The following DCHS2 variants were observed in gnomAD, a reference collection of about 807,000 sequenced individuals.
DCHS2 encodes dachsous cadherin-related 2.
In DCHS2, 142 loss-of-function variants were observed where a neutral mutation model predicts 182.4. The ratio of observed to expected loss-of-function variants is 0.78; its 90% CI spans 0.68 to 0.89. DCHS2 has a LOEUF of 0.89. Ranked by LOEUF, DCHS2 falls within the 40% of genes least tolerant of loss-of-function variation. The pLI is 0.00. For synonymous variants in DCHS2, 1,740 were observed against 1,663.3 expected, an observed-to-expected ratio of 1.05 and a Z score of -1.12; for missense variants, 4,319 against 4,198.6, an observed-to-expected ratio of 1.03 and a Z score of -0.79.
intron 1 of DCHS2, among the ~76,000 whole-genome samples, chr4:154,441,123 G>A (rs1733994313): frequency 6.6e-6 from 1 of 152,142 alleles, no homozygotes; most frequent in African/African-American, 2.4e-5. Flanking sequence ...TTAAAAGAAA[G>A]GATGCAAAGT....
chr4:154,319,181 A>G (rs1461613518), intron 9 of DCHS2, among the ~76,000 whole-genome samples: 27 of 152,178 alleles, frequency 1.8e-4, no homozygotes, highest in Admixed American at 1.8e-3. Flanking sequence ...TACACTATAC[A>G]AAAATAAAAC....
At chr4:154,325,107 T>C (rs918102353) in intron 7 of DCHS2, among the ~76,000 whole-genome samples, 8 of 152,150 alleles carry the variant, frequency 5.3e-5, no homozygotes, top group African/African-American at 9.7e-5. Context: ...ATTTTCAATA[T>C]TTTTTCAATT....
At chr4:154,293,477 C>T (rs1009596998) in intron 13 of DCHS2, among the ~76,000 whole-genome samples, 1 of 152,098 alleles carries the variant, frequency 6.6e-6, no homozygotes, top group Non-Finnish European at 1.5e-5. Context: ...CCACTGCGCC[C>T]GGCCGGTATT....
chr4:154,235,895 A>G lies in DCHS2; in HGVS notation c.8757T>C (p.Leu2919=). 14 of 1,614,084 alleles carry G rather than the reference A, an allele frequency of 8.7e-6. No homozygotes were observed. The highest frequency in any genetic ancestry group is 1.2e-5 in the Non-Finnish European group (14 of 1,179,952). Residue 2919 remains leucine (L), a synonymous_variant, in exon 20 of 20, where the codon CTT becomes CTC. Coordinates refer to ENST00000357232, the MANE Select transcript of DCHS2 (RefSeq NM_001358235.2). The part of the protein sequence containing the change: ...AGIDGVILYS[L]GTSSPFFSVN... ...CTGAAAAGAAAGGAGATGAGGTTCCAAGGGAGTAAAGAATGACTCCATCAA... is the reference window on the plus strand; with the variant it reads ...CTGAAAAGAAAGGAGATGAGGTTCCGAGGGAGTAAAGAATGACTCCATCAA...
intron 14 of DCHS2, among the ~76,000 whole-genome samples, chr4:154,268,009 C>A (rs1320519797): frequency 1.3e-5 from 2 of 152,168 alleles, no homozygotes; most frequent in South Asian, 2.1e-4. Context: ...AAGTCTTCCA[C>A]CCCCAAATTT....
chr4:154,381,931 C>A (rs980886146), intron 1 of DCHS2, among the ~76,000 whole-genome samples: 15 of 152,070 alleles, frequency 9.9e-5, no homozygotes, highest in Non-Finnish European at 1.9e-4. Flanking sequence ...TTATAAAAAA[C>A]CATTCTAAAA....
intron 1 of DCHS2, among the ~76,000 whole-genome samples, chr4:154,422,363 G>A (rs529173404): frequency 6.6e-6 from 1 of 152,206 alleles, no homozygotes; most frequent in South Asian, 2.1e-4. Flanking sequence ...AACTCATCAA[G>A]ACATACTGGT....
At chr4:154,476,587 A>G (rs1735693237) in intron 1 of DCHS2, among the ~76,000 whole-genome samples, 1 of 152,336 alleles carries the variant, frequency 6.6e-6, no homozygotes, top group African/African-American at 2.4e-5. Flanking sequence ...TTATGTGGCT[A>G]CCATGCAGGG....
chr4:154,446,254 T>C (rs1734280528), intron 1 of DCHS2, among the ~76,000 whole-genome samples: 1 of 152,222 alleles, frequency 6.6e-6, no homozygotes, highest in Admixed American at 6.5e-5. Context: ...ATCATGGCTC[T>C]GAAATGGAAT....
intron 13 of DCHS2, among the ~76,000 whole-genome samples, chr4:154,271,913 A>G (rs1207405420): frequency 7.2e-5 from 11 of 152,094 alleles, no homozygotes; most frequent in South Asian, 2.1e-4. Context: ...CGACACCTCA[A>G]AATGCTTTCT....
chr4:154,489,937 G>GCCTT lies in DCHS2; in HGVS notation c.1415_1418dup (p.Gly474ArgfsTer34). 1 of 1,540,946 alleles carries GCCTT rather than the reference G, an allele frequency of 6.5e-7. No homozygotes were observed. Among genetic ancestry groups the GCCTT allele is most frequent in the Non-Finnish European group, 8.8e-7 (1 of 1,139,986 alleles). On this transcript the variant is annotated frameshift_variant, in exon 1 of 20. Transcript: ENST00000357232. LOFTEE classifies it high-confidence loss of function. ...GTAGCAACGCGAAGTCTCCCTCTCC[G>GCCTT]CCTTCCAAGGACAGAGAGATGCTCC...
At chr4:154,371,909 C>T (rs890758489) in intron 2 of DCHS2, among the ~76,000 whole-genome samples, 10 of 152,194 alleles carry the variant, frequency 6.6e-5, no homozygotes, top group Admixed American at 3.9e-4. Context: ...ACACCTGCCA[C>T]AAGGCCCTAC....
chr4:154,333,350 T>G lies in DCHS2; in HGVS notation c.2858A>C (p.Gln953Pro). The G allele has an allele frequency of 1.2e-6, 2 of 1,614,200 alleles. No individual in the cohort carries two copies. The highest frequency in any genetic ancestry group is 1.7e-6 in the Non-Finnish European group (2 of 1,180,040). Residue 953 changes from glutamine to proline, a missense_variant, in exon 5 of 20, where the codon CAG (glutamine) becomes CCG (proline). Transcript: ENST00000357232. Reference sequence around the variant, plus strand: ...GCTGCAGGCTGGGGCGCTGCCGAGCTGCGCCTGCACCGTGAGCACAACCAC... The same window carrying G: ...GCTGCAGGCTGGGGCGCTGCCGAGCGGCGCCTGCACCGTGAGCACAACCAC... ...QPVVVLTVQA[Q>P]LGSAPACSST... is the part of the protein sequence containing the mutation.
At position 154,490,646 on chromosome 4, in the gene DCHS2, G is replaced by A; in HGVS notation, c.710C>T (p.Pro237Leu). The A allele has an allele frequency of 1.3e-6, 2 of 1,551,226 alleles. No homozygotes were observed. The highest frequency in any genetic ancestry group is 1.2e-5 in the South Asian group (1 of 84,060). Residue 237 changes from proline to leucine, a missense_variant, in exon 1 of 20, where the codon CCA (proline) becomes CTA (leucine). By Grantham distance (98) the Pro-to-Leu change is moderately conservative. Transcript: ENST00000357232. The stretch of plus-strand genomic sequence containing the variant: ...AGGCTCCAGGGGTGACGAGGAGCCT[G>A]GCAAAAGCGGTGACGGTAGTGGCCC... ...TPGPLPSPLL[P>L]GSSSPLEPLD...
At chr4:154,394,664 T>G (rs1731858161) in intron 1 of DCHS2, among the ~76,000 whole-genome samples, 1 of 152,184 alleles carries the variant, frequency 6.6e-6, no homozygotes, top group Non-Finnish European at 1.5e-5. Context: ...TGACCATGCT[T>G]GATGCATTGG....
chr4:154,380,270 C>T (rs1731111117), intron 1 of DCHS2, among the ~76,000 whole-genome samples: 1 of 152,092 alleles, frequency 6.6e-6, no homozygotes, highest in African/African-American at 2.4e-5. Flanking sequence ...TCCTGTGCAA[C>T]CATCTAACAT....
chr4:154,373,912 T>C (rs1730761006), intron 2 of DCHS2: 1 of 1,604,298 alleles, frequency 6.2e-7, no homozygotes, highest in Admixed American at 1.7e-5. Context: ...AAACATCATG[T>C]TCCTTACCTT....
intron 1 of DCHS2, among the ~76,000 whole-genome samples, chr4:154,395,279 T>A (rs1731881335): frequency 6.6e-6 from 1 of 152,188 alleles, no homozygotes; most frequent in African/African-American, 2.4e-5. Context: ...TTGGTCACAC[T>A]CCACCTGGAG....
At chr4:154,238,578 G>A (rs1731647116) in intron 19 of DCHS2, among the ~76,000 whole-genome samples, 2 of 152,146 alleles carry the variant, frequency 1.3e-5, no homozygotes, top group South Asian at 4.1e-4. Flanking sequence ...TTGCCTGAAG[G>A]CATTTCACAA....
Sources: gnomAD v4.1 joint callset for allele counts (sites outside exome capture counted in the v4.1 genomes callset) on GRCh38, gnomAD v4.1.1 for gene constraint, MANE v1.5 for transcripts, NCBI Gene and HGNC (gene_info 2026-07-23, HGNC 2026-07-21) for gene names.